PCDHGC5: variants seen among roughly 807,000 people sequenced by gnomAD.
The protein encoded by PCDHGC5 is protocadherin gamma subfamily C, 5.
PCDHGC5 carries 25 observed loss-of-function variants against 59.0 expected under a neutral mutation model. The observed-to-expected ratio is 0.42, with a 90% CI of 0.31 to 0.59. The LOEUF is 0.59. PCDHGC5 is among the 20% of genes least tolerant of loss of function. The pLI is 0.13. For missense variants in PCDHGC5, 1,067 were observed against 1,206.4 expected (o/e 0.88, Z 1.71); for synonymous variants, 434 against 505.5 (o/e 0.86, Z 1.90).
At chr5:141,494,954 G>A in intron 2 of PCDHGC5, 89 bp downstream of exon 2, 2 of 1,601,116 alleles carry the variant, frequency 1.2e-6, no homozygotes. Context: ...CCCAGCATTT[G>A]CTACAGATGG....
intron 2 of PCDHGC5, among the ~76,000 whole-genome samples, chr5:141,504,422 T>G (rs1375202110): frequency 6.6e-6 from 1 of 152,078 alleles, no homozygotes; most frequent in Admixed American, 6.6e-5. Context: ...AGACAGGCAC[T>G]ACAACAGCTG....
intron 2 of PCDHGC5, among the ~76,000 whole-genome samples, chr5:141,504,451 G>A (rs2099838355): frequency 1.3e-5 from 2 of 152,070 alleles, no homozygotes; most frequent in South Asian, 4.2e-4. Context: ...CTAGTGCCAT[G>A]TGGGGCAGCC....
chr5:141,490,715 C>G lies in PCDHGC5; in HGVS notation c.1475C>G (p.Ser492Cys), dbSNP rs757619272. Reference protein sequence around the residue: ...DTGDNARLTYSIVGNQVQGAP... With the variant: ...DTGDNARLTYCIVGNQVQGAP... The stretch of plus-strand genomic sequence containing the variant: ...GGGGATAATGCCCGCCTCACCTACT[C>G]CATTGTAGGAAATCAGGTTCAGGGA... Residue 492 changes from serine (S) to cysteine (C), a missense_variant, in exon 1 of 4, where the codon TCC becomes TGC. Coordinates refer to ENST00000252087, the MANE Select transcript of PCDHGC5 (RefSeq NM_018929.3). This position sits in a 1 kb window ranked among gnomAD's most constrained non-coding sequence, Gnocchi z 5.4. 14 of 1,614,130 alleles carry G rather than the reference C, an allele frequency of 8.7e-6. No individual in the cohort carries two copies. Among genetic ancestry groups the G allele is most frequent in the Non-Finnish European group, 1.1e-5 (13 of 1,179,978 alleles).
chr5:141,506,017 C>G (rs2099850061), intron 3 of PCDHGC5, among the ~76,000 whole-genome samples: 1 of 152,176 alleles, frequency 6.6e-6, no homozygotes, highest in Non-Finnish European at 1.5e-5. Flanking sequence ...TTTGCTGCCC[C>G]TAACTCCAGA....
chr5:141,490,423 T>C lies in PCDHGC5; in HGVS notation c.1183T>C (p.Phe395Leu). The part of the protein sequence containing the change: ...VSLDISPDLP[F>L]QIKPSENHYS... ...CCTTGATATCTCTCCGGACCTGCCATTTCAGATTAAGCCTTCTGAGAACCA... is the reference window on the plus strand; with the variant it reads ...CCTTGATATCTCTCCGGACCTGCCACTTCAGATTAAGCCTTCTGAGAACCA... Residue 395 changes from phenylalanine (F) to leucine (L), a missense_variant, in exon 1 of 4, where the codon TTT (phenylalanine) becomes CTT (leucine). Coordinates refer to ENST00000252087, the MANE Select transcript of PCDHGC5 (RefSeq NM_018929.3). This position sits in a 1 kb window ranked among gnomAD's most constrained non-coding sequence, Gnocchi z 5.4. 6.2e-7 allele frequency: 1 copy of C among 1,614,172 alleles called. No individual in the cohort carries two copies. The highest frequency in any genetic ancestry group is 8.5e-7 in the Non-Finnish European group (1 of 1,180,028).
At chr5:141,504,500 GAGTGGATCT>G (rs2099838791) in intron 2 of PCDHGC5, among the ~76,000 whole-genome samples, 1 of 152,072 alleles carries the variant, frequency 6.6e-6, no homozygotes, top group Non-Finnish European at 1.5e-5. Context: ...TGCCCAGTCT[GAGTGGATCT>G]CCTCTGATAT....
intron 2 of PCDHGC5, 164 bp downstream of exon 2, chr5:141,495,029 G>A: frequency 2.1e-6 from 2 of 968,864 alleles, no homozygotes; most frequent in Non-Finnish European, 2.5e-6. Flanking sequence ...ACAGACCCCG[G>A]AAGGAAGAGG....
At chr5:141,505,563 T>C in intron 3 of PCDHGC5, 82 bp downstream of exon 3, 1 of 1,603,814 alleles carries the variant, frequency 6.2e-7, no homozygotes, top group Non-Finnish European at 8.5e-7. Flanking sequence ...GCCCACGGAC[T>C]GGATGTCAAA....
At chr5:141,499,620 G>A (rs557854340) in intron 2 of PCDHGC5, among the ~76,000 whole-genome samples, 1 of 150,986 alleles carries the variant, frequency 6.6e-6, no homozygotes, top group Non-Finnish European at 1.5e-5. Context: ...TCCTGTCCTT[G>A]GATTCTTTTG....
At position 141,490,006 on chromosome 5, in the gene PCDHGC5, C is replaced by T; in HGVS notation, c.766C>T (p.Pro256Ser). The stretch of plus-strand genomic sequence containing the variant: ...ACGTGTGGGAATCCCAGAGAATGCA[C>T]CCATTGGTACTCTGCTGCTCCGCCT... ...VLRVGIPENA[P>S]IGTLLLRLNA... Residue 256 changes from proline to serine, a missense_variant, in exon 1 of 4, where the codon CCC (proline) becomes TCC (serine). Pro to Ser is a moderately conservative substitution (Grantham distance 74). Coordinates refer to ENST00000252087, the MANE Select transcript of PCDHGC5 (RefSeq NM_018929.3). This position sits in a 1 kb window ranked among gnomAD's most constrained non-coding sequence, Gnocchi z 5.4. 2 of 1,614,222 alleles carry T rather than the reference C, an allele frequency of 1.2e-6. No homozygotes were observed. The highest frequency in any genetic ancestry group is 1.7e-6 in the Non-Finnish European group (2 of 1,180,010).
chr5:141,498,865 G>A (rs2099786522), intron 2 of PCDHGC5, among the ~76,000 whole-genome samples: 1 of 151,116 alleles, frequency 6.6e-6, no homozygotes, highest in Non-Finnish European at 1.5e-5. Flanking sequence ...CCCAGGAGGC[G>A]GAGGTTGCAG....
At chr5:141,496,838 T>C (rs182118142) in intron 2 of PCDHGC5, among the ~76,000 whole-genome samples, 39 of 150,790 alleles carry the variant, frequency 2.6e-4, no homozygotes, top group African/African-American at 8.3e-4. Flanking sequence ...CCAGAACTCA[T>C]AGGCTTCCAG....
chr5:141,508,721 G>A (rs1266581528), intron 3 of PCDHGC5, among the ~76,000 whole-genome samples: 1 of 151,930 alleles, frequency 6.6e-6, no homozygotes, highest in Non-Finnish European at 1.5e-5. Flanking sequence ...TCTGTGTGCA[G>A]GGAGACTACA....
Position 141,490,397 on chromosome 5 carries a change from G to A in PCDHGC5, c.1157G>A (p.Ser386Asn). 6.2e-7 allele frequency: 1 copy of A among 1,614,170 alleles called. No individual in the cohort carries two copies. Among genetic ancestry groups the A allele is most frequent in the South Asian group, 1.1e-5 (1 of 91,080 alleles). Residue 386 changes from serine to asparagine, a missense_variant, in exon 1 of 4, where the codon AGC becomes AAC. By Grantham distance (46) the Ser-to-Asn change is conservative. Coordinates refer to ENST00000252087, the MANE Select transcript of PCDHGC5 (RefSeq NM_018929.3). This position sits in a 1 kb window ranked among gnomAD's most constrained non-coding sequence, Gnocchi z 5.4. ...DRDSGRNGEV[S>N]LDISPDLPFQ... ...GACTCAGGTAGAAATGGTGAAGTGA[G>A]CCTTGATATCTCTCCGGACCTGCCA...
chr5:141,508,091 GCCC>G (rs2099866180), intron 3 of PCDHGC5: 1 of 152,482 alleles, frequency 6.6e-6, no homozygotes, highest in Non-Finnish European at 1.5e-5. Flanking sequence ...TGCTGCCTTG[GCCC>G]TGGGATGGGG....
chr5:141,489,943 A>G lies in PCDHGC5; in HGVS notation c.703A>G (p.Ile235Val). Reference protein sequence around the residue: ...TTLISVIVLDINDNAPTFQSS... With the variant: ...TTLISVIVLDVNDNAPTFQSS... ...CCTTATCTCTGTCATCGTGCTGGAC[A>G]TCAATGATAATGCTCCAACCTTCCA... Residue 235 changes from isoleucine (I) to valine (V), a missense_variant, in exon 1 of 4, where the codon ATC becomes GTC. Ile to Val is a conservative substitution (Grantham distance 29). Transcript: ENST00000252087. The surrounding 1 kb of genome is among the most constrained non-coding windows in gnomAD (Gnocchi z 4.5). 5.6e-6 allele frequency: 9 copies of G among 1,614,190 alleles called. No homozygotes were observed. Among genetic ancestry groups the G allele is most frequent in the Non-Finnish European group, 7.6e-6 (9 of 1,180,016 alleles).
intron 2 of PCDHGC5, among the ~76,000 whole-genome samples, chr5:141,497,552 T>C (rs2099777669): frequency 6.6e-6 from 1 of 151,386 alleles, no homozygotes; most frequent in Non-Finnish European, 1.5e-5. Context: ...TTTTTTTTTT[T>C]TTTTTTAGAC....
chr5:141,505,742 G>A (rs1024914690), intron 3 of PCDHGC5, among the ~76,000 whole-genome samples: 1 of 152,150 alleles, frequency 6.6e-6, no homozygotes, highest in Non-Finnish European at 1.5e-5. Flanking sequence ...TACAAGTCTA[G>A]CTCTGGAATG....
At position 141,497,103 on chromosome 5, in the gene PCDHGC5, T is replaced by C. The variant is rs182534106; in HGVS notation, c.2519+2238T>C. On this transcript the variant is annotated intron_variant, in intron 2 of 3. Transcript: ENST00000252087. ...ACTTAGGAGGCTGAGGCAGAACTGC[T>C]TGAACCCGGAAGGCAGAGGTTGCAG... Among the ~76,000 whole-genome samples, 34 of 152,160 alleles carry C rather than the reference T, an allele frequency of 2.2e-4. 1 individual carries two copies. Among genetic ancestry groups the C allele is most frequent in the Admixed American group, 6.6e-4 (10 of 15,264 alleles).
Sources: gnomAD v4.1 joint callset for allele counts (sites outside exome capture counted in the v4.1 genomes callset) on GRCh38, gnomAD v4.1.1 for gene constraint, Gnocchi (gnomAD v3.1) non-coding constraint, MANE v1.5 for transcripts, NCBI Gene and HGNC (gene_info 2026-07-23, HGNC 2026-07-21) for gene names.